AP5M1: variants seen among roughly 807,000 people sequenced by gnomAD.
AP5M1 encodes the protein AP-5 complex subunit mu-1.
AP5M1 carries 44 observed loss-of-function variants against 52.3 expected under a neutral mutation model. That is an observed-to-expected ratio of 0.84 (90% CI 0.66 to 1.08). The LOEUF (loss-of-function observed/expected upper bound fraction) is 1.08, where lower values mean the gene tolerates loss of function less well. Ranked by LOEUF, AP5M1 falls within the 50% of genes least tolerant of loss-of-function variation. The pLI is 0.00. For synonymous variants in AP5M1, 213 were observed against 199.0 expected, an observed-to-expected ratio of 1.07 and a Z score of -0.59; for missense variants, 526 against 568.4, an observed-to-expected ratio of 0.93 and a Z score of 0.76.
chr14:57,282,134 G>A lies in AP5M1; in HGVS notation c.994G>A (p.Glu332Lys). ...ILGFYQMKEE[E>K]VQLRITINLK... ...GGGTTTTTATCAAATGAAGGAGGAAGAAGTACAACTAAGAATAACCATTAA... is the reference window on the plus strand; with the variant it reads ...GGGTTTTTATCAAATGAAGGAGGAAAAAGTACAACTAAGAATAACCATTAA... The change falls in exon 4 of 8, where the codon GAA becomes AAA. Residue 332 changes from glutamate to lysine, a missense_variant. Physicochemically the swap from Glu to Lys is moderately conservative, Grantham distance 56. Coordinates refer to ENST00000261558, the MANE Select transcript of AP5M1 (RefSeq NM_018229.4). 1.3e-6 allele frequency: 2 copies of A among 1,578,742 alleles called. No homozygotes were observed. Among genetic ancestry groups the A allele is most frequent in the Middle Eastern group, 1.7e-4 (1 of 5,992 alleles).
At chr14:57,276,092 TAA>T (rs1236545175) in intron 2 of AP5M1, among the ~76,000 whole-genome samples, 3 of 152,152 alleles carry the variant, frequency 2.0e-5, no homozygotes, top group African/African-American at 4.8e-5. Context: ...TGTTTAACGT[TAA>T]AGTTACCTAA....
chr14:57,286,846 T>C (rs1319833289), intron 7 of AP5M1, among the ~76,000 whole-genome samples: 2 of 152,162 alleles, frequency 1.3e-5, no homozygotes, highest in South Asian at 2.1e-4. Flanking sequence ...TTAAAACTTT[T>C]AAATATCTTT....
chr14:57,274,467 C>T lies in AP5M1; in HGVS notation c.298C>T (p.Leu100=). 1 of 1,614,216 alleles carries T rather than the reference C, an allele frequency of 6.2e-7. No homozygotes were observed. Among genetic ancestry groups the T allele is most frequent in the Non-Finnish European group, 8.5e-7 (1 of 1,180,034 alleles). The change falls in exon 2 of 8, where the codon CTG becomes TTG. Residue 100 remains leucine (L), a synonymous_variant. Transcript: ENST00000261558. The part of the protein sequence containing the change: ...GEELWPVVAF[L]KNDMIYACVP... Reference sequence around the variant, plus strand: ...AGAACTCTGGCCAGTTGTTGCTTTTCTGAAGAATGACATGATATATGCTTG... The same window carrying T: ...AGAACTCTGGCCAGTTGTTGCTTTTTTGAAGAATGACATGATATATGCTTG...
rs148064071 is a variant in AP5M1 at position 57,279,944 on chromosome 14, A to G, written c.721-251A>G. ...ATGTGTTTCAACAGGAATGGAGAAA[A>G]TTCAGCAGATTTAAATTATCTTTGT... On this transcript the variant is annotated intron_variant, in intron 2 of 7. Transcript: ENST00000261558. Among the ~76,000 whole-genome samples, 315 of 152,324 alleles carry G rather than the reference A, an allele frequency of 2.1e-3. 2 individuals carry two copies. The highest frequency in any genetic ancestry group is 7.2e-3 in the African/African-American group (300 of 41,574).
At chr14:57,280,139 TCAAA>T (rs1885135512) in intron 2 of AP5M1, 52 bp from the exon 3 acceptor site, 6 of 1,333,686 alleles carry the variant, frequency 4.5e-6, no homozygotes, top group East Asian at 4.6e-5. Context: ...TTGAAAAGCC[TCAAA>T]CAGACATTTG....
rs1885434932 is a variant in AP5M1, at chr14:57,291,515, C to T, written c.*2631C>T. ...CCAGCAATATAGTACTTAGGCAATA[C>T]CCTTACGGTGGTGGCAATTTTTTTT... On this transcript the variant is annotated 3_prime_UTR_variant, in exon 8 of 8. Coordinates refer to ENST00000261558, the MANE Select transcript of AP5M1 (RefSeq NM_018229.4). 1 of 151,728 alleles carries T rather than the reference C, an allele frequency of 6.6e-6. No individual in the cohort carries two copies. The highest frequency in any genetic ancestry group is 6.6e-5 in the Admixed American group (1 of 15,184). 9.4% of individuals were successfully genotyped at this position (151,728 alleles called of 1,614,324 possible).
At position 57,297,855 on chromosome 14, in the gene AP5M1, GTTTTGCA is replaced by G. The variant is rs1305077936; in HGVS notation, c.*8973_*8979del. 3 of 152,244 alleles carry G rather than the reference GTTTTGCA, an allele frequency of 2.0e-5. No homozygotes were observed. Among genetic ancestry groups the G allele is most frequent in the Non-Finnish European group, 4.4e-5 (3 of 68,006 alleles). The allele number at this position is 152,244 out of a possible 1,614,324, so 9.4% of individuals were successfully genotyped here. A position where few individuals can be genotyped will look rare whatever the true frequency, so the allele number is the denominator to read the frequency against. ...AATTAGTGATGTTTGAGTAATTAGG[GTTTTGCA>G]TGTGTATATAGAAAGGCTATTTTGC... is the stretch of plus-strand genomic sequence containing the variant. On this transcript the variant is annotated 3_prime_UTR_variant, in exon 8 of 8. Transcript: ENST00000261558.
Position 57,290,953 on chromosome 14 carries a change from C to T in AP5M1, c.*2069C>T, listed in dbSNP as rs896087738. ...ACTAATCCTGAGCTATTTTGTATTC[C>T]TTACTCATCTTTAAGGCTGGACCTT... On this transcript the variant is annotated 3_prime_UTR_variant, in exon 8 of 8. Coordinates refer to ENST00000261558, the MANE Select transcript of AP5M1 (RefSeq NM_018229.4). 3 of 151,840 alleles carry T rather than the reference C, an allele frequency of 2.0e-5. No homozygotes were observed. The highest frequency in any genetic ancestry group is 7.2e-5 in the African/African-American group (3 of 41,380). 9.4% of individuals were successfully genotyped at this position (151,840 alleles called of 1,614,324 possible). A position where few individuals can be genotyped will look rare whatever the true frequency, so the allele number is the denominator to read the frequency against.
rs1195241589 is a variant in AP5M1, at chr14:57,292,072, C to T, written c.*3188C>T. 6.6e-6 allele frequency: 1 copy of T among 151,848 alleles called. No homozygotes were observed. Among genetic ancestry groups the T allele is most frequent in the African/African-American group, 2.4e-5 (1 of 41,406 alleles). 9.4% of individuals were successfully genotyped at this position (151,848 alleles called of 1,614,324 possible). ...CTCATCCAAACTTTGCAATACTTTC[C>T]TGTTCTGACATCATTTAGATAGTTA... On this transcript the variant is annotated 3_prime_UTR_variant, in exon 8 of 8. Transcript: ENST00000261558.
Position 57,269,353 on chromosome 14 carries a change from G to A in AP5M1, c.39G>A (p.Pro13=). The stretch of plus-strand genomic sequence containing the variant: ...CAGTGTGGCTCATAAGCCACGAACC[G>A]GGAACTCCACTTTGTGGCACCGTGA... ...QRAVWLISHE[P]GTPLCGTVRF... The change falls in exon 1 of 8, where the codon CCG becomes CCA. Residue 13 remains proline, a synonymous_variant. Transcript: ENST00000261558. 1 of 1,614,108 alleles carries A rather than the reference G, an allele frequency of 6.2e-7. No individual in the cohort carries two copies. Among genetic ancestry groups the A allele is most frequent in the Admixed American group, 1.7e-5 (1 of 60,006 alleles).
chr14:57,292,418 T>C lies in AP5M1; in HGVS notation c.*3534T>C, dbSNP rs1885456345. ...ACTACCAGGGTGTGCGTTTATTCTC[T>C]ATAACCTTTTAAAGCAAGGGCCAAG... is the stretch of plus-strand genomic sequence containing the variant. On this transcript the variant is annotated 3_prime_UTR_variant, in exon 8 of 8. Coordinates refer to ENST00000261558, the MANE Select transcript of AP5M1 (RefSeq NM_018229.4). 6.6e-6 allele frequency: 1 copy of C among 151,860 alleles called. No homozygotes were observed. The highest frequency in any genetic ancestry group is 1.5e-5 in the Non-Finnish European group (1 of 67,830). 9.4% of individuals were successfully genotyped at this position (151,860 alleles called of 1,614,324 possible).
In AP5M1 at chr14:57,296,824, A is replaced by G. The variant is rs965360691; in HGVS notation, c.*7940A>G. 5 of 152,210 alleles carry G rather than the reference A, an allele frequency of 3.3e-5. No individual in the cohort carries two copies. The highest frequency in any genetic ancestry group is 5.9e-5 in the Non-Finnish European group (4 of 67,982). 9.4% of individuals were successfully genotyped at this position (152,210 alleles called of 1,614,324 possible). A position where few individuals can be genotyped will look rare whatever the true frequency, so the allele number is the denominator to read the frequency against. ...AATTAATGTTAAGCTTTGTGCTCAT[A>G]TTATATGCCACTCTGGGATTAGACA... On this transcript the variant is annotated 3_prime_UTR_variant, in exon 8 of 8. Coordinates refer to ENST00000261558, the MANE Select transcript of AP5M1 (RefSeq NM_018229.4).
chr14:57,296,423 A>G lies in AP5M1; in HGVS notation c.*7539A>G, dbSNP rs1885553418. The G allele has an allele frequency of 6.6e-6, 1 of 152,056 alleles. No individual in the cohort carries two copies. The allele number at this position is 152,056 out of a possible 1,614,324, so 9.4% of individuals were successfully genotyped here. A position where few individuals can be genotyped will look rare whatever the true frequency, so the allele number is the denominator to read the frequency against. ...ATTACTTACCATTTCTATAACATGT[A>G]CATTTATAGAGCATCATATATTTAT... On this transcript the variant is annotated 3_prime_UTR_variant, in exon 8 of 8. Coordinates refer to ENST00000261558, the MANE Select transcript of AP5M1 (RefSeq NM_018229.4).
chr14:57,287,908 T>C (rs1175975093), intron 7 of AP5M1, among the ~76,000 whole-genome samples: 1 of 152,098 alleles, frequency 6.6e-6, no homozygotes, highest in Non-Finnish European at 1.5e-5. Flanking sequence ...GTAAGTGTTG[T>C]TATCTCCATT....
intron 6 of AP5M1, among the ~76,000 whole-genome samples, chr14:57,284,627 C>T (rs537253382): frequency 6.6e-6 from 1 of 152,040 alleles, no homozygotes; most frequent in East Asian, 1.9e-4. Flanking sequence ...AAAATAAAGC[C>T]TTGACCACTA....
Position 57,282,942 on chromosome 14 carries a change from T to C in AP5M1, c.1097T>C (p.Ile366Thr), listed in dbSNP as rs774223042. The change falls in exon 5 of 8, where the codon ATT becomes ACT. Residue 366 changes from isoleucine (I) to threonine (T), a missense_variant. By Grantham distance (89) the Ile-to-Thr change is moderately conservative (BLOSUM62 -1). Around this residue, in one of 3 missense-constraint regions of AP5M1, gnomAD observed 425 missense variants for 430.6 expected, o/e 0.99. Transcript: ENST00000261558. Reference sequence around the variant, plus strand: ...TCCTTTTCTTTTTAAAGAGGTCCAATTACACATTTGGAATACAAAACTAGT... The same window carrying C: ...TCCTTTTCTTTTTAAAGAGGTCCAACTACACATTTGGAATACAAAACTAGT... ...AHIPFYNRGP[I>T]THLEYKTSFG... 6.3e-7 allele frequency: 1 copy of C among 1,580,786 alleles called. No individual in the cohort carries two copies. The highest frequency in any genetic ancestry group is 8.6e-7 in the Non-Finnish European group (1 of 1,158,902).
At chr14:57,286,752 AT>A (rs1359910167) in intron 7 of AP5M1, among the ~76,000 whole-genome samples, 2 of 152,244 alleles carry the variant, frequency 1.3e-5, no homozygotes, top group East Asian at 3.9e-4. Context: ...CAGGATTGTT[AT>A]GAGGTTTAGA....
rs778324477 is a variant in AP5M1, at chr14:57,274,575, T to C, written c.406T>C (p.Phe136Leu). The C allele has an allele frequency of 6.2e-7, 1 of 1,614,164 alleles. No homozygotes were observed. The highest frequency in any genetic ancestry group is 8.5e-7 in the Non-Finnish European group (1 of 1,180,028). Reference protein sequence around the residue: ...SGVSQGFEFLFGIQDFLYSGQ... With the variant: ...SGVSQGFEFLLGIQDFLYSGQ... ...AGTTTCACAAGGCTTTGAATTTCTT[T>C]TTGGGATACAGGATTTTCTTTATTC... The change falls in exon 2 of 8, where the codon TTT becomes CTT. Residue 136 changes from phenylalanine (F) to leucine (L), a missense_variant. Physicochemically the swap from Phe to Leu is conservative, Grantham distance 22 (BLOSUM62 0). This residue lies in a region of AP5M1 where 425 missense variants were observed against 430.6 expected (regional missense o/e 0.99). Coordinates refer to ENST00000261558, the MANE Select transcript of AP5M1 (RefSeq NM_018229.4).
At chr14:57,273,836 G>C (rs1884950748) in intron 1 of AP5M1, 1 of 671,928 alleles carries the variant, frequency 1.5e-6, no homozygotes, top group Non-Finnish European at 2.7e-6. Context: ...GAACCACTTT[G>C]TTAGCCCTAC....
Sources: allele counts gnomAD v4.1 joint callset (sites outside exome capture counted in the v4.1 genomes callset), GRCh38; gene constraint gnomAD v4.1.1; regional missense constraint gnomAD v4.1.1; transcripts MANE v1.5; gene names NCBI Gene and HGNC (gene_info 2026-07-23, HGNC 2026-07-21).